The following NEU1 variants were observed in gnomAD, a reference collection of about 807,000 sequenced individuals.
The protein encoded by NEU1 is sialidase-1.
NEU1 carries 32 observed loss-of-function variants against 38.3 expected under a neutral mutation model. That is an observed-to-expected ratio of 0.84 (90% CI 0.63 to 1.12). The LOEUF is 1.12. Ranked by LOEUF, NEU1 falls within the 50% of genes most tolerant of loss-of-function variation. The probability of loss-of-function intolerance (pLI) is 0.00; values close to 1 mark genes in which losing one functional copy is unlikely to be tolerated. For synonymous variants in NEU1, 192 were observed against 225.2 expected (o/e 0.85, Z 1.32); for missense variants, 431 against 549.2 (o/e 0.78, Z 2.15).
rs1581818699 is a variant in NEU1, at chr6:31,860,066, A to G, written c.997T>C (p.Ser333Pro). The change falls in exon 5 of 6, where the codon TCC becomes CCC. Residue 333 changes from serine to proline, a missense_variant. Physicochemically the swap from Ser to Pro is moderately conservative, Grantham distance 74 (BLOSUM62 -1). Coordinates refer to ENST00000375631, the MANE Select transcript of NEU1 (RefSeq NM_000434.4). This position sits in a 1 kb window ranked among gnomAD's most constrained non-coding sequence, Gnocchi z 4.8. ...CGGAACTCTGGATGTGCTGGGTTGG[A>G]GAAGAAGACAATGCCGGAGCTGGTG... Reference protein sequence around the residue: ...VVTSSGIVFFSNPAHPEFRVN... With the variant: ...VVTSSGIVFFPNPAHPEFRVN... The G allele has an allele frequency of 6.2e-7, 1 of 1,612,888 alleles. No homozygotes were observed. The highest frequency in any genetic ancestry group is 8.5e-7 in the Non-Finnish European group (1 of 1,179,978).
Position 31,859,737 on chromosome 6 carries a change from ACT to A in NEU1, c.1228_1229del (p.Ser410CysfsTer28). 1 of 1,612,890 alleles carries A rather than the reference ACT, an allele frequency of 6.2e-7. No homozygotes were observed. Among genetic ancestry groups the A allele is most frequent in the Non-Finnish European group, 8.5e-7 (1 of 1,179,946 alleles). On this transcript the variant is annotated frameshift_variant, in exon 6 of 6. Coordinates refer to ENST00000375631, the MANE Select transcript of NEU1 (RefSeq NM_000434.4). LOFTEE classifies it high-confidence loss of function. ...GCACAGCTCAGAGTGTCCCATAGAC[ACT>A]GATTTTGGCCACGGAGATGCTCTCT... ...YTESISVAKISVYGTL is the reference protein window; with the variant it reads ...YTESISVAKIXVYGTL
In NEU1 at chr6:31,858,321, A is replaced by C. The variant is rs1021721468; in HGVS notation, c.*1398T>G. 1.3e-5 allele frequency: 2 copies of C among 152,096 alleles called. No homozygotes were observed. Among genetic ancestry groups the C allele is most frequent in the Non-Finnish European group, 2.9e-5 (2 of 68,026 alleles). The allele number at this position is 152,096 out of a possible 1,614,324, so 9.4% of individuals were successfully genotyped here. On this transcript the variant is annotated 3_prime_UTR_variant, in exon 6 of 6. Transcript: ENST00000375631. ...CTTTGTCTCTACTAAAAATTAAAAA[A>C]ATCAGCCCGCCGGCACCATGGCTCA...
rs896707413 is a variant in NEU1, at chr6:31,860,319, G to A, written c.799-55C>T. On this transcript the variant is annotated intron_variant, in intron 4 of 5. Transcript: ENST00000375631. The surrounding 1 kb of genome is among the most constrained non-coding windows in gnomAD (Gnocchi z 4.8). ...GGAACAGGGAAAATGCCCTGTCCCCGAGGGGAGCAAGGGTGTGTGGCACTG... is the reference window on the plus strand; with the variant it reads ...GGAACAGGGAAAATGCCCTGTCCCCAAGGGGAGCAAGGGTGTGTGGCACTG... The A allele has an allele frequency of 2.2e-5, 36 of 1,602,872 alleles. No individual in the cohort carries two copies. The African/African-American group carries it at 3.6e-4, about 16-fold the overall frequency.
intron 2 of NEU1, 170 bp from the exon 3 acceptor site, chr6:31,861,620 C>T (rs1416547852): frequency 2.5e-6 from 2 of 790,408 alleles, no homozygotes; most frequent in Non-Finnish European, 4.0e-6. Flanking sequence ...TATTTTTCTC[C>T]ATTGCATTTA....
Position 31,858,865 on chromosome 6 carries a change from T to TA in NEU1, c.*853dup, listed in dbSNP as rs1762394442. ...CCTTGTCTCTACTGAAAATAAAAAT[T>TA]AAAAAAATTAACCAGGCATGGTGTC... On this transcript the variant is annotated 3_prime_UTR_variant, in exon 6 of 6. Transcript: ENST00000375631. 6.6e-6 allele frequency: 1 copy of TA among 151,294 alleles called. No homozygotes were observed. The highest frequency in any genetic ancestry group is 2.4e-5 in the African/African-American group (1 of 40,966). 9.4% of individuals were successfully genotyped at this position (151,294 alleles called of 1,614,324 possible). A position where few individuals can be genotyped will look rare whatever the true frequency, so the allele number is the denominator to read the frequency against.
In NEU1 at chr6:31,862,818, A is replaced by C. The variant is rs373597058; in HGVS notation, c.-42T>G. 1 of 1,610,072 alleles carries C rather than the reference A, an allele frequency of 6.2e-7. No homozygotes were observed. Reference sequence around the variant, plus strand: ...CGCGACCCTGGCAGCTAGACTCCACAGAGTCGGGAGTCAGCTGACCCGGAC... The same window carrying C: ...CGCGACCCTGGCAGCTAGACTCCACCGAGTCGGGAGTCAGCTGACCCGGAC... On this transcript the variant is annotated 5_prime_UTR_variant, in exon 1 of 6. Coordinates refer to ENST00000375631, the MANE Select transcript of NEU1 (RefSeq NM_000434.4). The surrounding 1 kb of genome is among the most constrained non-coding windows in gnomAD (Gnocchi z 6.3).
In NEU1 at chr6:31,862,206, G is replaced by A; in HGVS notation, c.160-15C>T. 6.2e-7 allele frequency: 1 copy of A among 1,612,196 alleles called. No individual in the cohort carries two copies. The highest frequency in any genetic ancestry group is 8.5e-7 in the Non-Finnish European group (1 of 1,179,874). Reference sequence around the variant, plus strand: ...AGCGGCTGCACCTGTCATGGGAGGAGGAAGGGTCAACAAAGACAAACTTGT... The same window carrying A: ...AGCGGCTGCACCTGTCATGGGAGGAAGAAGGGTCAACAAAGACAAACTTGT... On this transcript the variant is annotated splice_polypyrimidine_tract_variant and intron_variant, in intron 1 of 5. Transcript: ENST00000375631. The surrounding 1 kb of genome is among the most constrained non-coding windows in gnomAD (Gnocchi z 6.3).
chr6:31,859,829 T>C lies in NEU1; in HGVS notation c.1138A>G (p.Met380Val). The change falls in exon 6 of 6, where the codon ATG becomes GTG. Residue 380 changes from methionine (M) to valine (V), a missense_variant. Physicochemically the swap from Met to Val is conservative, Grantham distance 21. Transcript: ENST00000375631. ...YSSLATLEGS[M>V]DGEEQAPQLY... ...TGGGGGGCCTGCTCCTCTCCATCCA[T>C]GCTGCCCTCCAGGGTTGCCAGGGAT... is the stretch of plus-strand genomic sequence containing the variant. 1.2e-6 allele frequency: 2 copies of C among 1,613,058 alleles called. No homozygotes were observed. The highest frequency in any genetic ancestry group is 1.1e-5 in the South Asian group (1 of 91,086).
chr6:31,860,302 G>T lies in NEU1; in HGVS notation c.799-38C>A. ...GACAGGACCTCAGGGAGGGAACAGG[G>T]AAAATGCCCTGTCCCCGAGGGGAGC... On this transcript the variant is annotated intron_variant, in intron 4 of 5. Coordinates refer to ENST00000375631, the MANE Select transcript of NEU1 (RefSeq NM_000434.4). This position sits in a 1 kb window ranked among gnomAD's most constrained non-coding sequence, Gnocchi z 4.8. The T allele has an allele frequency of 6.2e-7, 1 of 1,610,214 alleles. No homozygotes were observed. Among genetic ancestry groups the T allele is most frequent in the Non-Finnish European group, 8.5e-7 (1 of 1,176,898 alleles).
chr6:31,860,527 C>G lies in NEU1; in HGVS notation c.710G>C (p.Gly237Ala). The G allele has an allele frequency of 6.2e-7, 1 of 1,614,102 alleles. No homozygotes were observed. Among genetic ancestry groups the G allele is most frequent in the Non-Finnish European group, 8.5e-7 (1 of 1,180,020 alleles). Residue 237 changes from glycine (G) to alanine (A), a missense_variant, in exon 4 of 6, where the codon GGT becomes GCT. By Grantham distance (60) the Gly-to-Ala change is moderately conservative. Coordinates refer to ENST00000375631, the MANE Select transcript of NEU1 (RefSeq NM_000434.4). The surrounding 1 kb of genome is among the most constrained non-coding windows in gnomAD (Gnocchi z 4.8). ...GVFCLLSDDH[G>A]ASWRYGSGVS... ...CCCACTTCCGTAGCGCCAGGAGGCA[C>G]CATGATCATCGCTGAGGAGACAGAA...
At chr6:31,861,129 G>A in intron 3 of NEU1, 59 bp downstream of exon 3, 2 of 1,608,180 alleles carry the variant, frequency 1.2e-6, no homozygotes, top group Non-Finnish European at 1.7e-6. Context: ...GTCCATTTGG[G>A]GGTATCCCTC....
Position 31,859,509 on chromosome 6 carries a change from A to G in NEU1, c.*210T>C, listed in dbSNP as rs13118. 1.5e-6 allele frequency: 1 copy of G among 657,442 alleles called. No individual in the cohort carries two copies. The highest frequency in any genetic ancestry group is 2.7e-6 in the Non-Finnish European group (1 of 364,618). The allele number at this position is 657,442 out of a possible 1,614,324, so 40.7% of individuals were successfully genotyped here. A position where few individuals can be genotyped will look rare whatever the true frequency, so the allele number is the denominator to read the frequency against. ...CCATATGGAAAGACAGTATTCTCAG[A>G]TGAGGGCAGGACTTTTTTGTGGGAG... is the stretch of plus-strand genomic sequence containing the variant. On this transcript the variant is annotated 3_prime_UTR_variant, in exon 6 of 6. Coordinates refer to ENST00000375631, the MANE Select transcript of NEU1 (RefSeq NM_000434.4).
In NEU1 at chr6:31,861,239, G is replaced by A. The variant is rs1198716963; in HGVS notation, c.564C>T (p.Ser188=). 3.1e-6 allele frequency: 5 copies of A among 1,612,846 alleles called. No individual in the cohort carries two copies. Among genetic ancestry groups the A allele is most frequent in the Non-Finnish European group, 4.2e-6 (5 of 1,180,024 alleles). ...CAAACACTTCAGTGCCAATATCCAG[G>A]GAGAGATTCCGGGGTGTGCTCCAGG... ...GVSWSTPRNL[S]LDIGTEVFAP... Residue 188 remains serine (S), a synonymous_variant, in exon 3 of 6, where the codon TCC becomes TCT. Transcript: ENST00000375631.
Position 31,859,435 on chromosome 6 carries a change from A to G in NEU1, c.*284T>C, listed in dbSNP as rs1562430211. ...GCTCACTAGACCTGCCCAAGACAGG[A>G]CCAATCAATGTCCCGGGAGGGCAGA... On this transcript the variant is annotated 3_prime_UTR_variant, in exon 6 of 6. Coordinates refer to ENST00000375631, the MANE Select transcript of NEU1 (RefSeq NM_000434.4). 1 of 572,044 alleles carries G rather than the reference A, an allele frequency of 1.7e-6. No homozygotes were observed. Among genetic ancestry groups the G allele is most frequent in the African/African-American group, 1.9e-5 (1 of 53,624 alleles). The allele number at this position is 572,044 out of a possible 1,614,324, so 35.4% of individuals were successfully genotyped here.
chr6:31,861,368 A>ATCGCTCAC lies in NEU1; in HGVS notation c.427_434dup (p.Asp145GlufsTer2). ...AAAGAAATACTACTCCTGTCTCAAC[A>ATCGCTCAC]TCGCTCACTACTGCCCCAAGGTTCA... On this transcript the variant is annotated stop_gained and frameshift_variant, in exon 3 of 6. Transcript: ENST00000375631. LOFTEE classifies it high-confidence loss of function. 3 of 1,613,010 alleles carry ATCGCTCAC rather than the reference A, an allele frequency of 1.9e-6. No individual in the cohort carries two copies. The highest frequency in any genetic ancestry group is 2.5e-6 in the Non-Finnish European group (3 of 1,180,040).
In NEU1 at chr6:31,859,914, G is replaced by C. The variant is rs377573360; in HGVS notation, c.1053C>G (p.Ser351Arg). 2 of 1,612,924 alleles carry C rather than the reference G, an allele frequency of 1.2e-6. No individual in the cohort carries two copies. Among genetic ancestry groups the C allele is most frequent in the African/African-American group, 2.7e-5 (2 of 74,928 alleles). ...TCTCTTTCCGCCATGAGGTACCATT[G>C]CTGAAGCTCCATCGCAGGGTCAGGT... The part of the protein sequence containing the change: ...RVNLTLRWSF[S>R]NGTSWRKETV... The change falls in exon 6 of 6, where the codon AGC becomes AGG. Residue 351 changes from serine (S) to arginine (R), a missense_variant. Ser to Arg is a moderately radical substitution (Grantham distance 110). Transcript: ENST00000375631.
At chr6:31,861,566 G>T in intron 2 of NEU1, 116 bp from the exon 3 acceptor site, 1 of 1,325,628 alleles carries the variant, frequency 7.5e-7, no homozygotes, top group Non-Finnish European at 1.1e-6. Context: ...ATGGTCCCAG[G>T]GTGCAATCCA....
At position 31,862,630 on chromosome 6, in the gene NEU1, G is replaced by A. The variant is rs1044226739; in HGVS notation, c.147C>T (p.Asn49=). The A allele has an allele frequency of 6.2e-7, 1 of 1,613,106 alleles. No homozygotes were observed. Among genetic ancestry groups the A allele is most frequent in the Non-Finnish European group, 8.5e-7 (1 of 1,180,038 alleles). ...AAGGGTGACTCACCAGACCGAAGTC[G>A]TTCTCAGCCTTGGACCAGGAGGCTG... The part of the protein sequence containing the change: ...SLAASWSKAE[N]DFGLVQPLVT... The change falls in exon 1 of 6, where the codon AAC becomes AAT. Residue 49 remains asparagine (N), a synonymous_variant. Transcript: ENST00000375631. The surrounding 1 kb of genome is among the most constrained non-coding windows in gnomAD (Gnocchi z 6.3).
chr6:31,862,480 C>T lies in NEU1; in HGVS notation c.159+138G>A. ...CCCGGAGAGGGAGAGGGGCTGGGAG[C>T]GGTAGGAGGAAACGGGGTCTGGGAG... is the stretch of plus-strand genomic sequence containing the variant. On this transcript the variant is annotated intron_variant, in intron 1 of 5. Transcript: ENST00000375631. The surrounding 1 kb of genome is among the most constrained non-coding windows in gnomAD (Gnocchi z 6.3). The T allele has an allele frequency of 1.6e-6, 2 of 1,227,058 alleles. No individual in the cohort carries two copies. The highest frequency in any genetic ancestry group is 1.2e-6 in the Non-Finnish European group (1 of 855,764). The allele number at this position is 1,227,058 out of a possible 1,614,324, so 76.0% of individuals were successfully genotyped here.
Sources: allele counts gnomAD v4.1 joint callset, GRCh38; gene constraint gnomAD v4.1.1; non-coding constraint Gnocchi (gnomAD v3.1); transcripts MANE v1.5; gene names NCBI Gene and HGNC (gene_info 2026-07-23, HGNC 2026-07-21).